Variants in SCFD2 observed in about 807,000 individuals in gnomAD.
The protein encoded by SCFD2 is sec1 family domain-containing protein 2.
SCFD2 carries 54 observed loss-of-function variants against 58.9 expected under a neutral mutation model. The ratio of observed to expected loss-of-function variants is 0.92; its 90% CI spans 0.74 to 1.15. SCFD2 has a LOEUF of 1.15. SCFD2 is among the 50% of genes most tolerant of loss of function. The pLI is 0.00. For missense variants in SCFD2, 805 were observed against 836.6 expected, an observed-to-expected ratio of 0.96 and a Z score of 0.47; for synonymous variants, 321 against 335.9, an observed-to-expected ratio of 0.96 and a Z score of 0.49.
chr4:53,229,957 C>T (rs1729375242), intron 4 of SCFD2, among the ~76,000 whole-genome samples: 1 of 152,110 alleles, frequency 6.6e-6, no homozygotes, highest in African/African-American at 2.4e-5. Context: ...AAAAAGTGGG[C>T]CAAGGAGATG....
intron 5 of SCFD2, among the ~76,000 whole-genome samples, chr4:52,921,746 T>C (rs564305884): frequency 3.9e-5 from 6 of 152,236 alleles, no homozygotes; most frequent in Non-Finnish European, 7.4e-5. Context: ...TTCTGTGTAT[T>C]CCGACTGCTT....
chr4:53,098,322 T>A (rs558411683), intron 5 of SCFD2, among the ~76,000 whole-genome samples: 3 of 152,318 alleles, frequency 2.0e-5, no homozygotes, highest in African/African-American at 7.2e-5. Context: ...TCTGGTAGAA[T>A]TCGGCTGTGA....
At chr4:53,190,366 C>G (rs929041297) in intron 4 of SCFD2, among the ~76,000 whole-genome samples, 1 of 152,172 alleles carries the variant, frequency 6.6e-6, no homozygotes, top group African/African-American at 2.4e-5. Context: ...GTGCTCCAGC[C>G]ACATGGGCAT....
At chr4:53,315,804 CCCT>C (rs1732845273) in intron 2 of SCFD2, among the ~76,000 whole-genome samples, 1 of 152,256 alleles carries the variant, frequency 6.6e-6, no homozygotes, top group African/African-American at 2.4e-5. Context: ...AATGTCACTA[CCCT>C]CCTCTTTTCC....
chr4:53,315,770 C>T (rs1379967811), intron 2 of SCFD2, among the ~76,000 whole-genome samples: 4 of 152,140 alleles, frequency 2.6e-5, no homozygotes, highest in Non-Finnish European at 2.9e-5. Context: ...TAAGTCTCAA[C>T]GCAACCCAGA....
chr4:53,298,643 C>G (rs893165586), intron 3 of SCFD2, among the ~76,000 whole-genome samples: 1 of 152,184 alleles, frequency 6.6e-6, no homozygotes, highest in Non-Finnish European at 1.5e-5. Flanking sequence ...GGGCAGACTG[C>G]CTCCTCAAGT....
In SCFD2 at chr4:53,199,362, T is replaced by G. The variant is rs567579568; in HGVS notation, c.1312-53780A>C. 7.9e-5 allele frequency among the ~76,000 whole-genome samples: 12 copies of G among 152,238 alleles called. No homozygotes were observed. In the East Asian group the frequency reaches 2.3e-3, roughly 29 times the overall value. ...CTGATCGAATGAGAGGGGAGATGATTACAAACAACAGAGTATGAACTTTGG... is the reference window on the plus strand; with the variant it reads ...CTGATCGAATGAGAGGGGAGATGATGACAAACAACAGAGTATGAACTTTGG... On this transcript the variant is annotated intron_variant, in intron 4 of 8. Coordinates refer to ENST00000401642, the MANE Select transcript of SCFD2 (RefSeq NM_152540.4).
At chr4:53,009,292 A>G (rs1319721509) in intron 5 of SCFD2, among the ~76,000 whole-genome samples, 1 of 152,226 alleles carries the variant, frequency 6.6e-6, no homozygotes, top group African/African-American at 2.4e-5. Flanking sequence ...AGCATTTTCC[A>G]AAGTCCTCAT....
chr4:53,353,054 G>C (rs1380718543), intron 1 of SCFD2, among the ~76,000 whole-genome samples: 3 of 152,122 alleles, frequency 2.0e-5, no homozygotes, highest in African/African-American at 4.8e-5. Context: ...TCTTGGTCTT[G>C]CTGACTTCAA....
At position 53,352,655 on chromosome 4, in the gene SCFD2, A is replaced by C. The variant is rs1560462230; in HGVS notation, c.950T>G (p.Leu317Arg). The C allele has an allele frequency of 6.2e-7, 1 of 1,614,062 alleles. No individual in the cohort carries two copies. Among genetic ancestry groups the C allele is most frequent in the East Asian group, 2.2e-5 (1 of 44,874 alleles). Residue 317 changes from leucine to arginine, a missense_variant, in exon 2 of 9, where the codon CTC becomes CGC. Physicochemically the swap from Leu to Arg is moderately radical, Grantham distance 102 (BLOSUM62 -2). Around this residue, in one of 3 missense-constraint regions of SCFD2, gnomAD observed 633 missense variants for 646.8 expected, o/e 0.98. Transcript: ENST00000401642. ...VMVNMIALTA[L>R]HTEEENYNVV... ...ATTATAATTTTCCTCCTCAGTATGG[A>C]GTGCAGTGAGCGCTATCATGTTAAC...
At chr4:53,104,105 C>T (rs1354143678) in intron 5 of SCFD2, among the ~76,000 whole-genome samples, 5 of 152,114 alleles carry the variant, frequency 3.3e-5, no homozygotes, top group Non-Finnish European at 5.9e-5. Flanking sequence ...GGAGGTGGAG[C>T]ATAACTCCTT....
chr4:53,274,112 G>T, intron 3 of SCFD2, 111 bp from the exon 4 acceptor site: 1 of 857,768 alleles, frequency 1.2e-6, no homozygotes, highest in Non-Finnish European at 1.7e-6. Context: ...CTTCAGAGCT[G>T]ACTGCAAGCT....
At chr4:53,165,691 T>C (rs945521800) in intron 4 of SCFD2, among the ~76,000 whole-genome samples, 2 of 152,228 alleles carry the variant, frequency 1.3e-5, no homozygotes, top group African/African-American at 2.4e-5. Context: ...ACTTTGTTTA[T>C]TGTCCGTCTG....
intron 4 of SCFD2, among the ~76,000 whole-genome samples, chr4:53,188,464 T>C (rs1727802089): frequency 7.1e-6 from 1 of 141,064 alleles, no homozygotes; most frequent in Admixed American, 7.2e-5. Flanking sequence ...TGTGTGTGTG[T>C]TTAGTGGCTT....
chr4:52,900,568 A>G (rs1560475016), intron 7 of SCFD2, among the ~76,000 whole-genome samples: 3 of 152,218 alleles, frequency 2.0e-5, no homozygotes, highest in African/African-American at 7.2e-5. Context: ...GGTGCCTCCC[A>G]GTTAGGCTAC....
At chr4:52,878,262 A>T (rs1320372341) in intron 8 of SCFD2, among the ~76,000 whole-genome samples, 1 of 152,234 alleles carries the variant, frequency 6.6e-6, no homozygotes, top group Non-Finnish European at 1.5e-5. Context: ...AAAACCATAC[A>T]GCAGTGAAGG....
chr4:52,972,026 T>C (rs931867130), intron 5 of SCFD2, among the ~76,000 whole-genome samples: 7 of 152,018 alleles, frequency 4.6e-5, no homozygotes, highest in African/African-American at 7.3e-5. Context: ...GCACTGAACA[T>C]GGAAAGGAAT....
intron 5 of SCFD2, among the ~76,000 whole-genome samples, chr4:53,037,238 G>A (rs1011480428): frequency 9.9e-5 from 15 of 152,028 alleles, no homozygotes; most frequent in Admixed American, 1.3e-4. Context: ...GTAATAGCAG[G>A]AAAAGCAAGT....
intron 4 of SCFD2, among the ~76,000 whole-genome samples, chr4:53,242,506 A>C (rs1729931382): frequency 6.6e-6 from 1 of 152,246 alleles, no homozygotes; most frequent in South Asian, 2.1e-4. Context: ...CAAAGACTGA[A>C]GGAACATTAG....
Sources: allele counts gnomAD v4.1 joint callset (sites outside exome capture counted in the v4.1 genomes callset), GRCh38; gene constraint gnomAD v4.1.1; regional missense constraint gnomAD v4.1.1; transcripts MANE v1.5; gene names NCBI Gene and HGNC (gene_info 2026-07-23, HGNC 2026-07-21).